The following RANBP2 variants were observed in gnomAD, a reference collection of about 807,000 sequenced individuals.
RANBP2 encodes RAN binding protein 2.
In RANBP2, 57 loss-of-function variants were observed where a neutral mutation model predicts 303.6. The ratio of observed to expected loss-of-function variants is 0.19; its 90% CI spans 0.15 to 0.23. RANBP2 has a LOEUF of 0.23. RANBP2 is among the 10% of genes least tolerant of loss of function. RANBP2 has a pLI of 1.00. For missense variants in RANBP2, 3,138 were observed against 3,780.8 expected (o/e 0.83, Z 4.46); for synonymous variants, 1,167 against 1,301.5 (o/e 0.90, Z 2.23).
the RANBP2 span, among the ~76,000 whole-genome samples, chr2:109,373,726 C>T: frequency 2.6e-5 from 4 of 152,070 alleles, no homozygotes; most frequent in African/African-American, 9.7e-5. Flanking sequence ...ACAGATTATG[C>T]TGCTGTAAAA....
the RANBP2 span, among the ~76,000 whole-genome samples, chr2:109,238,865 T>A: frequency 6.6e-6 from 1 of 152,160 alleles, no homozygotes; most frequent in Non-Finnish European, 1.5e-5. Context: ...CCCTTCTCTC[T>A]GTCCCAAGGG....
At chr2:108,827,916 A>G in the RANBP2 span, among the ~76,000 whole-genome samples, 1 of 152,040 alleles carries the variant, frequency 6.6e-6, no homozygotes, top group Non-Finnish European at 1.5e-5. Context: ...TCCCATTCCC[A>G]TATGTAAACA....
chr2:109,492,462 T>A, the RANBP2 span, among the ~76,000 whole-genome samples: 1 of 152,096 alleles, frequency 6.6e-6, no homozygotes, highest in Non-Finnish European at 1.5e-5. Flanking sequence ...AGCTGGGTGT[T>A]CTGCACAGGG....
chr2:109,465,594 C>G, the RANBP2 span, among the ~76,000 whole-genome samples: 2 of 152,190 alleles, frequency 1.3e-5, no homozygotes, highest in Non-Finnish European at 2.9e-5. Flanking sequence ...TTAGGCCATT[C>G]TTGCACTGCT....
At chr2:109,477,714 C>T in the RANBP2 span, among the ~76,000 whole-genome samples, 3 of 152,044 alleles carry the variant, frequency 2.0e-5, no homozygotes, top group Admixed American at 1.3e-4. Flanking sequence ...ATCCAGACAC[C>T]ACAGATTCGG....
At chr2:109,064,535 T>C in the RANBP2 span, among the ~76,000 whole-genome samples, 1 of 151,972 alleles carries the variant, frequency 6.6e-6, no homozygotes, top group African/African-American at 2.4e-5. Flanking sequence ...GCAAAGTCTT[T>C]ACCTTTAGAT....
the RANBP2 span, among the ~76,000 whole-genome samples, chr2:109,212,986 C>A: frequency 6.6e-6 from 1 of 152,200 alleles, no homozygotes; most frequent in African/African-American, 2.4e-5. Flanking sequence ...CCCAGGGAAG[C>A]CCTGTGCTGA....
the RANBP2 span, chr2:108,839,422 A>C: frequency 1.2e-6 from 1 of 803,734 alleles, no homozygotes; most frequent in Non-Finnish European, 1.9e-6. Context: ...TTCCCTATCT[A>C]TGTCTTGCTG....
chr2:109,227,465 T>C, the RANBP2 span, among the ~76,000 whole-genome samples: 9,886 of 152,264 alleles, frequency 0.065, 438 homozygotes, highest in Middle Eastern at 0.12. Flanking sequence ...ACTGGAGTTA[T>C]GAGGATGGTG....
chr2:109,110,245 T>A, the RANBP2 span, among the ~76,000 whole-genome samples: 2 of 152,216 alleles, frequency 1.3e-5, no homozygotes, highest in African/African-American at 4.8e-5. Context: ...GAGGCATTGT[T>A]TGCCTTCCTG....
the RANBP2 span, chr2:109,615,130 C>T: frequency 6.5e-7 from 1 of 1,549,696 alleles, no homozygotes; most frequent in Non-Finnish European, 8.7e-7. Context: ...GGCAGCTCCC[C>T]GCAGCTGAAG....
chr2:109,664,611 G>A, the RANBP2 span, among the ~76,000 whole-genome samples: 1 of 151,430 alleles, frequency 6.6e-6, no homozygotes, highest in African/African-American at 2.4e-5. Context: ...ATTAAAATAA[G>A]TAAATAAATA....
At chr2:109,564,329 T>C in the RANBP2 span, 1 of 1,482,830 alleles carries the variant, frequency 6.7e-7, no homozygotes, top group South Asian at 1.5e-5. Flanking sequence ...CCTCTCTAAC[T>C]TCCTCTTTGG....
the RANBP2 span, among the ~76,000 whole-genome samples, chr2:109,458,567 G>GGAGAGAGAGAGAGAGAGAGAGAGAGAGA: frequency 4.6e-5 from 2 of 43,038 alleles, no homozygotes; most frequent in Non-Finnish European, 5.6e-5. Context: ...AGAACCAGCA[G>GGAGAGAGAGAGAGAGAGAGAGAGAGAGA]GAGACAGAGA....
the RANBP2 span, among the ~76,000 whole-genome samples, chr2:109,147,479 A>G: frequency 1.4e-3 from 216 of 152,274 alleles, no homozygotes; most frequent in Non-Finnish European, 2.6e-3. Context: ...TCCATCTACC[A>G]CTTGGTCAAC....
chr2:109,727,447 T>C, the RANBP2 span, among the ~76,000 whole-genome samples: 8 of 152,214 alleles, frequency 5.3e-5, no homozygotes, highest in Non-Finnish European at 1.2e-4. Context: ...GAGCTGGGAC[T>C]CCAAGCCGAG....
chr2:109,640,394 G>A, the RANBP2 span, among the ~76,000 whole-genome samples: 6 of 152,340 alleles, frequency 3.9e-5, no homozygotes, highest in Non-Finnish European at 8.8e-5. Flanking sequence ...AGAGGTTGCA[G>A]TGAGCCAAGA....
At chr2:109,308,162 C>T in the RANBP2 span, among the ~76,000 whole-genome samples, 12 of 139,496 alleles carry the variant, frequency 8.6e-5, no homozygotes, top group East Asian at 4.0e-4. Context: ...TTTGCATTTC[C>T]CTGATGGCCA....
At chr2:108,816,067 G>C in the RANBP2 span, 1 of 1,612,860 alleles carries the variant, frequency 6.2e-7, no homozygotes, top group Non-Finnish European at 8.5e-7. Context: ...ACTCAAATTT[G>C]CTTCCCAGAG....
Sources: gnomAD v4.1 joint callset for allele counts (sites outside exome capture counted in the v4.1 genomes callset) on GRCh38, gnomAD v4.1.1 for gene constraint, MANE v1.5 for transcripts, NCBI Gene and HGNC (gene_info 2026-07-23, HGNC 2026-07-21) for gene names.